ADPRHL1: variants seen among roughly 807,000 people sequenced by gnomAD.
The protein encoded by ADPRHL1 is inactive ADP-ribosyltransferase ARH2.
A neutral mutation model predicts 44.1 loss-of-function variants in ADPRHL1; 43 were observed. The ratio of observed to expected loss-of-function variants is 0.98; its 90% CI spans 0.76 to 1.26. The LOEUF (loss-of-function observed/expected upper bound fraction) is 1.26. Ranked by LOEUF, ADPRHL1 falls within the 50% of genes most tolerant of loss-of-function variation. The pLI is 0.00. For missense variants in ADPRHL1, 2,022 were observed against 2,496.9 expected, an observed-to-expected ratio of 0.81 and a Z score of 4.05; for synonymous variants, 878 against 1,017.4, an observed-to-expected ratio of 0.86 and a Z score of 2.61.
chr13:113,403,617 T>C lies in ADPRHL1; in HGVS notation c.5665A>G (p.Lys1889Glu). The change falls in exon 8 of 8, where the codon AAG becomes GAG. Residue 1889 changes from lysine to glutamate, a missense_variant. Physicochemically the swap from Lys to Glu is moderately conservative, Grantham distance 56. Around this residue, in one of 8 missense-constraint regions of ADPRHL1, gnomAD observed 205 missense variants for 250.1 expected, o/e 0.82. Transcript: ENST00000612156. ...GTCCCGCAGCCCCCAGCCTCAGGCTTGGGCTCAGTTGGGCTCTTTCCCAGC... is the reference window on the plus strand; with the variant it reads ...GTCCCGCAGCCCCCAGCCTCAGGCTCGGGCTCAGTTGGGCTCTTTCCCAGC... ...LGLGKSPTEP[K>E]PEAGGCGTPQ... The C allele has an allele frequency of 1.6e-6, 2 of 1,231,438 alleles. No individual in the cohort carries two copies. The highest frequency in any genetic ancestry group is 2.0e-6 in the Non-Finnish European group (2 of 987,878). 76.3% of individuals were successfully genotyped at this position (1,231,438 alleles called of 1,614,324 possible). A position where few individuals can be genotyped will look rare whatever the true frequency, so the allele number is the denominator to read the frequency against.
Position 113,404,514 on chromosome 13 carries a change from CCT to C in ADPRHL1, c.4766_4767del (p.Gln1589ArgfsTer234). On this transcript the variant is annotated frameshift_variant, in exon 8 of 8. Transcript: ENST00000612156. LOFTEE classifies it low-confidence loss of function (END_TRUNC). ...TTCTGGGCCTGTCCCTGAATCTGCC[CCT>C]GAGCCCATTTCTGGGCCTGTCCCTG... ...QVQGQAQKWAQGQIQGQAQKQ... is the reference protein window; with the variant it reads ...QVQGQAQKWAXGQIQGQAQKQ... 1 of 1,310,450 alleles carries C rather than the reference CCT, an allele frequency of 7.6e-7. No individual in the cohort carries two copies. Among genetic ancestry groups the C allele is most frequent in the Non-Finnish European group, 9.6e-7 (1 of 1,036,624 alleles). The allele number at this position is 1,310,450 out of a possible 1,614,324, so 81.2% of individuals were successfully genotyped here. A position where few individuals can be genotyped will look rare whatever the true frequency, so the allele number is the denominator to read the frequency against.
intron 7 of ADPRHL1, among the ~76,000 whole-genome samples, chr13:113,419,064 T>TCCC (rs1413574035): frequency 1.2e-4 from 2 of 16,646 alleles, no homozygotes; most frequent in African/African-American, 2.6e-4. Flanking sequence ...TTCTCCTTCC[T>TCCC]TCACTCCCTC....
At position 113,429,071 on chromosome 13, in the gene ADPRHL1, G is replaced by A. The variant is rs533507871; in HGVS notation, c.527C>T (p.Thr176Met). Residue 176 changes from threonine to methionine, a missense_variant, in exon 4 of 8, where the codon ACG becomes ATG. Thr to Met is a moderately conservative substitution (Grantham distance 81, BLOSUM62 -1). This residue lies in a region of ADPRHL1 where 437 missense variants were observed against 430.7 expected (regional missense o/e 1.01). Coordinates refer to ENST00000612156, the MANE Select transcript of ADPRHL1 (RefSeq NM_001394807.1). ...HPTGFLGSLC[T>M]ALFVSFAAQG... ...TGCGGCGAACGACACAAACAGGGCC[G>A]TGCACAGGGAGCCCAGGAAGCCTGG... 16 of 1,611,652 alleles carry A rather than the reference G, an allele frequency of 9.9e-6. No individual in the cohort carries two copies. The highest frequency in any genetic ancestry group is 4.5e-5 in the East Asian group (2 of 44,838).
At chr13:113,410,232 G>T in intron 7 of ADPRHL1, 1 of 681,826 alleles carries the variant, frequency 1.5e-6, no homozygotes, top group Non-Finnish European at 1.8e-6. Flanking sequence ...GGTTCAGTGA[G>T]TTCACGTGGA....
At chr13:113,419,036 C>T (rs1566470033) in intron 7 of ADPRHL1, among the ~76,000 whole-genome samples, 1 of 151,650 alleles carries the variant, frequency 6.6e-6, no homozygotes, top group Non-Finnish European at 1.5e-5. Context: ...TCCCCTTCCC[C>T]TCCCCTTCCC....
At chr13:113,435,565 C>T (rs1413472015) in intron 2 of ADPRHL1, among the ~76,000 whole-genome samples, 6 of 7,428 alleles carry the variant, frequency 8.1e-4, no homozygotes, top group South Asian at 0.019. Flanking sequence ...GGACCCAGCA[C>T]CCAGGTGTAG....
At position 113,407,061 on chromosome 13, in the gene ADPRHL1, C is replaced by T. The variant is rs2043814339; in HGVS notation, c.2221G>A (p.Asp741Asn). Residue 741 changes from aspartate to asparagine, a missense_variant, in exon 8 of 8, where the codon GAT (aspartate) becomes AAT (asparagine). By Grantham distance (23) the Asp-to-Asn change is conservative. This residue lies in a region of ADPRHL1 where 1,221 missense variants were observed against 1,517.8 expected (regional missense o/e 0.80). Coordinates refer to ENST00000612156, the MANE Select transcript of ADPRHL1 (RefSeq NM_001394807.1). ...TCTGCGGTGGGGTCTGCAGTCCCAT[C>T]ACCTCCGGCTGATCCGGTGCCCCAA... is the stretch of plus-strand genomic sequence containing the variant. The part of the protein sequence containing the change: ...SPWGTGSAGG[D>N]GTADPTAEST... 8.1e-7 allele frequency: 1 copy of T among 1,232,186 alleles called. No homozygotes were observed. The highest frequency in any genetic ancestry group is 1.6e-5 in the African/African-American group (1 of 64,426). 76.3% of individuals were successfully genotyped at this position (1,232,186 alleles called of 1,614,324 possible).
In ADPRHL1 at chr13:113,407,076, C is replaced by T. The variant is rs766183641; in HGVS notation, c.2206G>A (p.Gly736Arg). 67 of 1,232,168 alleles carry T rather than the reference C, an allele frequency of 5.4e-5. No homozygotes were observed. The highest frequency in any genetic ancestry group is 8.4e-5 in the Admixed American group (2 of 23,706). The allele number at this position is 1,232,168 out of a possible 1,614,324, so 76.3% of individuals were successfully genotyped here. Residue 736 changes from glycine to arginine, a missense_variant, in exon 8 of 8, where the codon GGA becomes AGA. Coordinates refer to ENST00000612156, the MANE Select transcript of ADPRHL1 (RefSeq NM_001394807.1). ...PLGPASPWGTGSAGGDGTADP... is the reference protein window; with the variant it reads ...PLGPASPWGTRSAGGDGTADP... ...GCAGTCCCATCACCTCCGGCTGATCCGGTGCCCCAAGGGCTGGCCGGTCCC... is the reference window on the plus strand; with the variant it reads ...GCAGTCCCATCACCTCCGGCTGATCTGGTGCCCCAAGGGCTGGCCGGTCCC...
At chr13:113,412,028 G>A (rs2043855879) in intron 7 of ADPRHL1, among the ~76,000 whole-genome samples, 1 of 152,154 alleles carries the variant, frequency 6.6e-6, no homozygotes, top group Non-Finnish European at 1.5e-5. Flanking sequence ...TGGGTTCCTT[G>A]AACCTGCGGG....
At chr13:113,418,870 C>T (rs1394819082) in intron 7 of ADPRHL1, among the ~76,000 whole-genome samples, 2 of 151,998 alleles carry the variant, frequency 1.3e-5, no homozygotes, top group Non-Finnish European at 2.9e-5. Flanking sequence ...TGATGTCTTG[C>T]AAGAGATGCG....
At chr13:113,437,294 G>A (rs1409539386) in intron 2 of ADPRHL1, among the ~76,000 whole-genome samples, 2 of 150,682 alleles carry the variant, frequency 1.3e-5, no homozygotes, top group East Asian at 3.9e-4. Context: ...GCACCCAGGC[G>A]CAGGGTGAAC....
At position 113,409,063 on chromosome 13, in the gene ADPRHL1, G is replaced by T. The variant is rs1354552966; in HGVS notation, c.1062-843C>A. On this transcript the variant is annotated intron_variant, in intron 7 of 7. Transcript: ENST00000612156. This position sits in a 1 kb window ranked among gnomAD's most constrained non-coding sequence, Gnocchi z 4.2. ...CTTAGAGGAGCCACTGAGGCTGGGG[G>T]CTGCCGCCCTTTCCCAGTGAGATGT... Among the ~76,000 whole-genome samples the T allele has an allele frequency of 6.6e-6, 1 of 152,244 alleles. No homozygotes were observed. The highest frequency in any genetic ancestry group is 6.5e-5 in the Admixed American group (1 of 15,282).
chr13:113,429,141 G>C (rs746049429), intron 3 of ADPRHL1, 49 bp from the exon 4 acceptor site: 1 of 1,576,136 alleles, frequency 6.3e-7, no homozygotes, highest in Admixed American at 1.8e-5. Context: ...GGCCGCTTGG[G>C]AGGGCCTGGG....
chr13:113,411,946 C>A (rs1449815534), intron 7 of ADPRHL1, among the ~76,000 whole-genome samples: 3 of 152,234 alleles, frequency 2.0e-5, no homozygotes, highest in Non-Finnish European at 4.4e-5. Context: ...AGTCCTGCGC[C>A]CACCGCCCAC....
chr13:113,428,732 G>A (rs537776751), intron 4 of ADPRHL1, among the ~76,000 whole-genome samples: 1 of 152,378 alleles, frequency 6.6e-6, no homozygotes, highest in Admixed American at 6.5e-5. Context: ...CTGAGGCTCC[G>A]GGTGGGGAGG....
At chr13:113,444,788 A>G (rs1444979834) in intron 1 of ADPRHL1, among the ~76,000 whole-genome samples, 199 bp from the exon 2 acceptor site, 1 of 151,976 alleles carries the variant, frequency 6.6e-6, no homozygotes, top group Non-Finnish European at 1.5e-5. Flanking sequence ...ACGCCCGGCT[A>G]ATTTTTTTGT....
In ADPRHL1 at chr13:113,407,457, G is replaced by A. The variant is rs1276858901; in HGVS notation, c.1825C>T (p.Arg609Cys). 22 of 1,231,928 alleles carry A rather than the reference G, an allele frequency of 1.8e-5. No individual in the cohort carries two copies. Among genetic ancestry groups the A allele is most frequent in the Non-Finnish European group, 2.1e-5 (21 of 988,028 alleles). The allele number at this position is 1,231,928 out of a possible 1,614,324, so 76.3% of individuals were successfully genotyped here. Residue 609 changes from arginine to cysteine, a missense_variant, in exon 8 of 8, where the codon CGC (arginine) becomes TGC (cysteine). Coordinates refer to ENST00000612156, the MANE Select transcript of ADPRHL1 (RefSeq NM_001394807.1). Reference sequence around the variant, plus strand: ...GGCTCAGCCGTGCAGGCCAGAAAGCGGGCAGGGGGCATCTTGACGCAGGTG... The same window carrying A: ...GGCTCAGCCGTGCAGGCCAGAAAGCAGGCAGGGGGCATCTTGACGCAGGTG... ...ASTCVKMPPA[R>C]FLACTAEPLP...
At chr13:113,428,336 T>A (rs1225184201) in intron 4 of ADPRHL1, among the ~76,000 whole-genome samples, 1 of 151,996 alleles carries the variant, frequency 6.6e-6, no homozygotes, top group Non-Finnish European at 1.5e-5. Flanking sequence ...CCTCTCCTTC[T>A]CAAGGACACA....
At chr13:113,423,118 G>A (rs954991413) in intron 6 of ADPRHL1, 139 bp from the exon 7 acceptor site, 8 of 1,218,776 alleles carry the variant, frequency 6.6e-6, no homozygotes, top group South Asian at 3.0e-5. Flanking sequence ...GCAGGCCAGC[G>A]CGGTGGCTCA....
Sources: gnomAD v4.1 joint callset for allele counts (sites outside exome capture counted in the v4.1 genomes callset) on GRCh38, gnomAD v4.1.1 for gene constraint, gnomAD v4.1.1 regional missense constraint, Gnocchi (gnomAD v3.1) non-coding constraint, MANE v1.5 for transcripts, NCBI Gene and HGNC (gene_info 2026-07-23, HGNC 2026-07-21) for gene names.